The following PALMD variants were observed in gnomAD, a reference collection of about 807,000 sequenced individuals.
The protein encoded by PALMD is palmdelphin, also known as paralemmin-like protein.
A neutral mutation model predicts 56.2 loss-of-function variants in PALMD; 42 were observed. The ratio of observed to expected loss-of-function variants is 0.75; its 90% CI spans 0.58 to 0.97. PALMD has a LOEUF of 0.97. PALMD is among the 50% of genes least tolerant of loss of function. The probability of loss-of-function intolerance (pLI) is 0.00; values close to 1 mark genes in which losing one functional copy is unlikely to be tolerated. For synonymous variants in PALMD, 242 were observed against 222.9 expected (o/e 1.09, Z -0.76); for missense variants, 660 against 643.8 (o/e 1.03, Z -0.27).
At chr1:99,667,988 C>T (rs1653005158) in intron 3 of PALMD, 2 of 441,756 alleles carry the variant, frequency 4.5e-6, no homozygotes, top group Non-Finnish European at 8.2e-6. Context: ...AAGCAATTCT[C>T]CAGCCTCAGC....
At chr1:99,672,761 A>G (rs74101404) in intron 3 of PALMD, among the ~76,000 whole-genome samples, 2 of 152,310 alleles carry the variant, frequency 1.3e-5, no homozygotes, top group African/African-American at 4.8e-5. Flanking sequence ...ATAAGCATGA[A>G]ATGTAAAAGG....
intron 3 of PALMD, chr1:99,685,034 CAG>C (rs768778592): frequency 6.6e-6 from 1 of 152,104 alleles, no homozygotes; most frequent in Non-Finnish European, 1.5e-5. Context: ...CCCTGTGGGA[CAG>C]GGGATGAAAA....
Position 99,667,724 on chromosome 1 carries a change from A to G in PALMD, c.209A>G (p.Gln70Arg). The change falls in exon 3 of 8, where the codon CAA becomes CGA. Residue 70 changes from glutamine to arginine, a missense_variant. Gln to Arg is a conservative substitution (Grantham distance 43). Coordinates refer to ENST00000263174, the MANE Select transcript of PALMD (RefSeq NM_017734.5). ...EQEEMKKQNQ[Q>R]DQHQIQVLEQ... ...GAAGAGATGAAGAAGCAAAATCAAC[A>G]AGACCAGCACCAGATCCAGGTTCTA... The G allele has an allele frequency of 2.5e-6, 4 of 1,613,672 alleles. No individual in the cohort carries two copies. The highest frequency in any genetic ancestry group is 2.2e-5 in the East Asian group (1 of 44,832).
intron 6 of PALMD, among the ~76,000 whole-genome samples, chr1:99,687,733 T>G (rs1299317952): frequency 6.6e-6 from 1 of 152,190 alleles, no homozygotes; most frequent in Non-Finnish European, 1.5e-5. Flanking sequence ...AACAAATATT[T>G]AGAGAATAGA....
chr1:99,661,758 C>T (rs1049609186), intron 1 of PALMD, among the ~76,000 whole-genome samples: 1 of 152,144 alleles, frequency 6.6e-6, no homozygotes, highest in African/African-American at 2.4e-5. Context: ...TTTTGTTTTA[C>T]CTGAGCTAAA....
intron 3 of PALMD, among the ~76,000 whole-genome samples, chr1:99,676,107 T>C (rs1208406165): frequency 6.6e-6 from 1 of 152,120 alleles, no homozygotes; most frequent in African/African-American, 2.4e-5. Flanking sequence ...TTTGTCCTAT[T>C]CTTAAATGCT....
At chr1:99,684,973 C>T (rs947602133) in intron 3 of PALMD, 29 of 152,148 alleles carry the variant, frequency 1.9e-4, no homozygotes, top group African/African-American at 6.8e-4. Context: ...TTGTTTTCTA[C>T]CAAAAGGCTT....
At chr1:99,687,000 GT>G (rs752227329) in intron 5 of PALMD, 37 bp downstream of exon 5, 3 of 1,529,586 alleles carry the variant, frequency 2.0e-6, no homozygotes, top group South Asian at 1.2e-5. Flanking sequence ...GTTAAACTAA[GT>G]TTTTTTGGTA....
chr1:99,673,481 A>C (rs74721118), intron 3 of PALMD, among the ~76,000 whole-genome samples: 1 of 148,118 alleles, frequency 6.8e-6, no homozygotes, highest in Non-Finnish European at 1.5e-5. Context: ...ACAACATAAG[A>C]AAAAAAAAGA....
intron 3 of PALMD, chr1:99,668,862 G>A (rs1356211823): frequency 6.6e-6 from 1 of 152,162 alleles, no homozygotes; most frequent in East Asian, 1.9e-4. Flanking sequence ...AAACAGATAC[G>A]GGAAAGGCCA....
chr1:99,662,422 T>A (rs756568508), intron 2 of PALMD, 23 bp downstream of exon 2: 1 of 1,277,512 alleles, frequency 7.8e-7, no homozygotes, highest in Admixed American at 2.0e-5. Flanking sequence ...TTTAATTTCA[T>A]TTCAATGATT....
At chr1:99,674,869 G>A (rs1301777757) in intron 3 of PALMD, among the ~76,000 whole-genome samples, 5 of 152,236 alleles carry the variant, frequency 3.3e-5, no homozygotes, top group Non-Finnish European at 7.3e-5. Context: ...GAATGTTCAA[G>A]AGCAGCGACT....
intron 3 of PALMD, among the ~76,000 whole-genome samples, chr1:99,681,158 G>A (rs1402241662): frequency 6.6e-6 from 1 of 150,850 alleles, no homozygotes; most frequent in Non-Finnish European, 1.5e-5. Context: ...TATATGTATA[G>A]AGCCCGGACT....
At chr1:99,662,232 G>A (rs770338541) in intron 1 of PALMD, 87 bp from the exon 2 acceptor site, 47 of 717,108 alleles carry the variant, frequency 6.6e-5, no homozygotes, top group Admixed American at 1.2e-4. Flanking sequence ...TATCAGTAAC[G>A]GGCCATTCAG....
chr1:99,689,898 C>T (rs749007439), intron 7 of PALMD, 26 bp downstream of exon 7: 3 of 1,561,694 alleles, frequency 1.9e-6, no homozygotes, highest in Non-Finnish European at 2.6e-6. Context: ...AGGCATGCCA[C>T]TGCTGTTCAG....
intron 3 of PALMD, among the ~76,000 whole-genome samples, chr1:99,675,412 C>T (rs1653177414): frequency 6.6e-6 from 1 of 152,056 alleles, no homozygotes; most frequent in Admixed American, 6.6e-5. Context: ...AGAGGCTTAC[C>T]AGAATCATGG....
intron 7 of PALMD, among the ~76,000 whole-genome samples, chr1:99,693,466 T>C (rs1194243401): frequency 6.6e-6 from 1 of 152,224 alleles, no homozygotes; most frequent in East Asian, 1.9e-4. Context: ...TTTTAAAACA[T>C]ACTTATATCT....
intron 2 of PALMD, among the ~76,000 whole-genome samples, chr1:99,662,692 CT>C (rs1652872243): frequency 6.6e-6 from 1 of 152,196 alleles, no homozygotes; most frequent in Admixed American, 6.5e-5. Context: ...GAATTTGGCC[CT>C]GCTCGCAGTC....
Position 99,654,692 on chromosome 1 carries a change from A to G in PALMD, c.46-7627A>G, listed in dbSNP as rs834985. 4.4e-3 allele frequency among the ~76,000 whole-genome samples: 673 copies of G among 152,320 alleles called. 5 individuals are homozygous for G. The highest frequency in any genetic ancestry group is 0.015 in the African/African-American group (639 of 41,588). ...ATGAACTATAATAAATTATGCAGAT[A>G]TAAATCTTATATAACATTATCAATC... On this transcript the variant is annotated intron_variant, in intron 1 of 7. Coordinates refer to ENST00000263174, the MANE Select transcript of PALMD (RefSeq NM_017734.5).
Sources: gnomAD v4.1 joint callset for allele counts (sites outside exome capture counted in the v4.1 genomes callset) on GRCh38, gnomAD v4.1.1 for gene constraint, MANE v1.5 for transcripts, NCBI Gene and HGNC (gene_info 2026-07-23, HGNC 2026-07-21) for gene names.